DYM: variants seen among roughly 807,000 people sequenced by gnomAD.
DYM encodes the protein dymeclin, also known as dyggve-Melchior-Clausen syndrome protein.
A neutral mutation model predicts 93.1 loss-of-function variants in DYM; 78 were observed. The observed-to-expected ratio is 0.84, with a 90% confidence interval of 0.70 to 1.01. The LOEUF is 1.01. Among genes scored for constraint, DYM ranks in the 50% least tolerant of loss-of-function variants. DYM has a pLI of 0.00. For missense variants in DYM, 789 were observed against 845.0 expected (o/e 0.93, Z 0.82); for synonymous variants, 321 against 319.7 (o/e 1.00, Z -0.04).
chr18:49,244,055 T>C (rs1475970129), intron 13 of DYM, among the ~76,000 whole-genome samples: 2 of 152,184 alleles, frequency 1.3e-5, no homozygotes, highest in Non-Finnish European at 2.9e-5. Flanking sequence ...TGAGTTCCTA[T>C]AGTAATTTTT....
intron 6 of DYM, among the ~76,000 whole-genome samples, chr18:49,350,508 C>T (rs1320135477): frequency 2.0e-5 from 3 of 152,050 alleles, no homozygotes; most frequent in Admixed American, 6.5e-5. Flanking sequence ...GAGTTTGAGA[C>T]CAGCCTGGCC....
intron 15 of DYM, among the ~76,000 whole-genome samples, chr18:49,136,585 C>A (rs2083874245): frequency 6.6e-6 from 1 of 152,106 alleles, no homozygotes; most frequent in South Asian, 2.1e-4. Flanking sequence ...GTGTCAATTT[C>A]TTTGGAAGAG....
intron 13 of DYM, among the ~76,000 whole-genome samples, chr18:49,226,269 T>TA (rs1169227211): frequency 6.6e-6 from 1 of 152,180 alleles, no homozygotes. Flanking sequence ...CATCTATATT[T>TA]ACAGGTGTAG....
At chr18:49,146,835 G>GA (rs1397185892) in intron 15 of DYM, among the ~76,000 whole-genome samples, 1 of 152,028 alleles carries the variant, frequency 6.6e-6, no homozygotes, top group African/African-American at 2.4e-5. Context: ...CACAGAATTG[G>GA]AAAAAACTAC....
intron 16 of DYM, among the ~76,000 whole-genome samples, chr18:49,113,921 G>T (rs2081670295): frequency 1.3e-5 from 2 of 152,166 alleles, no homozygotes; most frequent in Non-Finnish European, 2.9e-5. Flanking sequence ...TCTTAATTAG[G>T]TTTATCCAAG....
intron 8 of DYM, among the ~76,000 whole-genome samples, chr18:49,325,949 G>T (rs1169532901): frequency 1.3e-5 from 2 of 152,208 alleles, no homozygotes; most frequent in African/African-American, 4.8e-5. Flanking sequence ...GTAGTTAGTA[G>T]TACTGGCTCA....
chr18:49,331,879 C>A lies in DYM; in HGVS notation c.748G>T (p.Ala250Ser). The change falls in exon 8 of 18, where the codon GCA becomes TCA. Residue 250 changes from alanine (A) to serine (S), a missense_variant. Physicochemically the swap from Ala to Ser is moderately conservative, Grantham distance 99. Coordinates refer to ENST00000675505, the MANE Select transcript of DYM (RefSeq NM_001353214.3). ...TAAAACTTACTTGCTACTCCTGATG[C>A]AAGTCCATAAAGCAGTCCTCCCCCA... ...SDGGGLLYGLASGVATGLWTV... is the reference protein window; with the variant it reads ...SDGGGLLYGLSSGVATGLWTV... 6.2e-7 allele frequency: 1 copy of A among 1,614,090 alleles called. No homozygotes were observed. The highest frequency in any genetic ancestry group is 8.5e-7 in the Non-Finnish European group (1 of 1,180,000).
chr18:49,071,019 T>C (rs1400909031), intron 17 of DYM, among the ~76,000 whole-genome samples: 3 of 152,202 alleles, frequency 2.0e-5, no homozygotes, highest in African/African-American at 4.8e-5. Flanking sequence ...GTGCAGACCA[T>C]TTATAAAGGA....
chr18:49,125,899 T>C (rs1177491341), intron 15 of DYM, among the ~76,000 whole-genome samples: 1 of 152,220 alleles, frequency 6.6e-6, no homozygotes, highest in South Asian at 2.1e-4. Context: ...TCCACTGTTA[T>C]AGCTATCATC....
intron 8 of DYM, among the ~76,000 whole-genome samples, chr18:49,292,355 G>GACAGACACACACACACAC (rs769423170): frequency 1.2e-5 from 1 of 84,744 alleles, no homozygotes; most frequent in East Asian, 3.4e-4. Flanking sequence ...CAGACAGACA[G>GACAGACACACACACACAC]ACACACACAC....
At chr18:49,272,522 T>A (rs1046385827) in intron 10 of DYM, among the ~76,000 whole-genome samples, 1 of 152,160 alleles carries the variant, frequency 6.6e-6, no homozygotes, top group Admixed American at 6.5e-5. Flanking sequence ...GAAGGTCTCT[T>A]AAGGTCTAAC....
chr18:49,198,897 T>C lies in DYM; in HGVS notation c.1625+10654A>G, dbSNP rs1483402048. 7.2e-5 allele frequency among the ~76,000 whole-genome samples: 11 copies of C among 151,824 alleles called. No individual in the cohort carries two copies. The East Asian group carries it at 1.7e-3, about 24-fold the overall frequency. On this transcript the variant is annotated intron_variant, in intron 14 of 17. Transcript: ENST00000675505. The stretch of plus-strand genomic sequence containing the variant: ...TACTGGGTATATACCCAAAGGATTA[T>C]AAATGATGCTGCTATAAAGACACAT...
intron 14 of DYM, among the ~76,000 whole-genome samples, chr18:49,164,640 T>C (rs919370710): frequency 2.0e-5 from 3 of 152,246 alleles, no homozygotes; most frequent in South Asian, 2.1e-4. Context: ...TCTTGAATGT[T>C]TGTATAAATG....
At chr18:49,046,278 AGAC>A (rs1232802006) in intron 17 of DYM, among the ~76,000 whole-genome samples, 1 of 143,240 alleles carries the variant, frequency 7.0e-6, no homozygotes, top group East Asian at 2.0e-4. Flanking sequence ...ACACAGACAC[AGAC>A]AACACACCCA....
intron 16 of DYM, among the ~76,000 whole-genome samples, chr18:49,113,356 T>C (rs912783703): frequency 1.3e-5 from 2 of 152,192 alleles, no homozygotes; most frequent in Non-Finnish European, 2.9e-5. Flanking sequence ...TGTTATATTC[T>C]ACCTTGTCTT....
At chr18:49,325,033 C>G (rs1318802940) in intron 8 of DYM, among the ~76,000 whole-genome samples, 1 of 152,014 alleles carries the variant, frequency 6.6e-6, no homozygotes, top group East Asian at 1.9e-4. Flanking sequence ...ACCAGGATGT[C>G]CAGGAGTGGG....
intron 14 of DYM, among the ~76,000 whole-genome samples, chr18:49,201,326 T>TC (rs1029636859): frequency 8.5e-4 from 129 of 152,310 alleles, no homozygotes; most frequent in African/African-American, 3.1e-3. Context: ...CCTTTTTTTT[T>TC]CAAAGTTCAC....
intron 17 of DYM, among the ~76,000 whole-genome samples, chr18:49,045,516 C>T (rs943669241): frequency 2.6e-5 from 4 of 152,242 alleles, no homozygotes; most frequent in Non-Finnish European, 5.9e-5. Flanking sequence ...ATTCTACTGA[C>T]TATCTGCTGG....
intron 13 of DYM, among the ~76,000 whole-genome samples, chr18:49,247,849 T>A (rs2094204178): frequency 6.6e-6 from 1 of 152,222 alleles, no homozygotes; most frequent in African/African-American, 2.4e-5. Context: ...ATGTTCTCAA[T>A]GTAACTCCTT....
Sources: allele counts gnomAD v4.1 joint callset (sites outside exome capture counted in the v4.1 genomes callset), GRCh38; gene constraint gnomAD v4.1.1; transcripts MANE v1.5; gene names NCBI Gene and HGNC (gene_info 2026-07-23, HGNC 2026-07-21).